Variants in REN observed in about 807,000 individuals in gnomAD.
REN encodes the protein angiotensin-forming enzyme.
A neutral mutation model predicts 48.6 loss-of-function variants in REN; 42 were observed. The ratio of observed to expected loss-of-function variants is 0.86; its 90% CI spans 0.68 to 1.12. REN has a LOEUF of 1.12. Among genes scored for constraint, REN ranks in the 50% most tolerant of loss-of-function variants. REN has a pLI of 0.00. For missense variants in REN, 443 were observed against 527.3 expected (o/e 0.84, Z 1.57); for synonymous variants, 196 against 204.6 (o/e 0.96, Z 0.36).
At chr1:204,161,891 C>G in intron 2 of REN, 122 bp downstream of exon 2, 1 of 1,247,574 alleles carries the variant, frequency 8.0e-7, no homozygotes, top group Non-Finnish European at 1.1e-6. Flanking sequence ...AGGGTGCTCA[C>G]GTGCTACTCA....
intron 1 of REN, 114 bp from the exon 2 acceptor site, chr1:204,162,277 G>A: frequency 1.7e-6 from 2 of 1,150,582 alleles, no homozygotes; most frequent in Non-Finnish European, 2.5e-6. Context: ...CGTTAGCCCA[G>A]CCACCTGGAA....
rs757341486 is a variant in REN at position 204,162,054 on chromosome 1, CAAGT to C, written c.204_207del (p.Leu69AlafsTer7). 1 of 1,614,082 alleles carries C rather than the reference CAAGT, an allele frequency of 6.2e-7. No individual in the cohort carries two copies. Among genetic ancestry groups the C allele is most frequent in the East Asian group, 2.2e-5 (1 of 44,864 alleles). On this transcript the variant is annotated frameshift_variant, in exon 2 of 10. Transcript: ENST00000272190. LOFTEE classifies it high-confidence loss of function. The stretch of plus-strand genomic sequence containing the variant: ...AGGATCACGGAGGAGGTGGTGTTGC[CAAGT>C]GTCAGCCTCTTCATGGGTTGGCTCC...
chr1:204,157,270 T>G (rs186769631), intron 6 of REN, 91 bp downstream of exon 6: 68 of 1,544,844 alleles, frequency 4.4e-5, no homozygotes, highest in Non-Finnish European at 5.6e-5. Context: ...CTTGCTGATG[T>G]GAGTTTTGGG....
rs369647339 is a variant in REN at position 204,159,448 on chromosome 1, T to C, written c.640A>G (p.Ile214Val). The change falls in exon 5 of 10, where the codon ATC becomes GTC. Residue 214 changes from isoleucine to valine, a missense_variant. Ile to Val is a conservative substitution (Grantham distance 29). Coordinates refer to ENST00000272190, the MANE Select transcript of REN (RefSeq NM_000537.4). Reference protein sequence around the residue: ...GRVTPIFDNIISQGVLKEDVF... With the variant: ...GRVTPIFDNIVSQGVLKEDVF... The stretch of plus-strand genomic sequence containing the variant: ...TCCTCTTTTAGCACCCCTTGGGAGA[T>C]GATGTTGTCGAAGATAGGGGTGACC... 6 of 1,614,050 alleles carry C rather than the reference T, an allele frequency of 3.7e-6. No homozygotes were observed. The African/African-American group carries it at 8.0e-5, about 22-fold the overall frequency.
At chr1:204,163,442 C>G (rs906106025) in intron 1 of REN, among the ~76,000 whole-genome samples, 1 of 152,212 alleles carries the variant, frequency 6.6e-6, no homozygotes, top group Non-Finnish European at 1.5e-5. Flanking sequence ...GATTTTATTA[C>G]TCCCACTTCA....
chr1:204,160,691 C>T lies in REN; in HGVS notation c.374-13G>A, dbSNP rs201387583. Reference sequence around the variant, plus strand: ...AGCTTGTGATACACTGGCAGGGGGACAGAGGCTCAGGTTTGTCCAAGAGTG... The same window carrying T: ...AGCTTGTGATACACTGGCAGGGGGATAGAGGCTCAGGTTTGTCCAAGAGTG... On this transcript the variant is annotated splice_polypyrimidine_tract_variant and intron_variant, in intron 3 of 9. Transcript: ENST00000272190. The T allele has an allele frequency of 7.3e-5, 116 of 1,596,906 alleles. No homozygotes were observed. Among genetic ancestry groups the T allele is most frequent in the Non-Finnish European group, 9.4e-6 (11 of 1,164,446 alleles).
At chr1:204,158,588 G>T (rs1658191197) in intron 5 of REN, among the ~76,000 whole-genome samples, 1 of 151,876 alleles carries the variant, frequency 6.6e-6, no homozygotes, top group Admixed American at 6.6e-5. Flanking sequence ...AGCCCCTTTT[G>T]CCTCCAGCTC....
chr1:204,155,114 T>C lies in REN; in HGVS notation c.1123A>G (p.Thr375Ala). 1.9e-6 allele frequency: 3 copies of C among 1,614,238 alleles called. No homozygotes were observed. Among genetic ancestry groups the C allele is most frequent in the Non-Finnish European group, 2.5e-6 (3 of 1,180,040 alleles). The change falls in exon 10 of 10, where the codon ACT becomes GCT. Residue 375 changes from threonine (T) to alanine (A), a missense_variant. Transcript: ENST00000272190. ...AIHAMDIPPP[T>A]GPTWALGATF... Reference sequence around the variant, plus strand: ...GCCCCCAGGGCCCAGGTGGGTCCAGTGGGTGGCGGGATATCCATGGCGTGG... The same window carrying C: ...GCCCCCAGGGCCCAGGTGGGTCCAGCGGGTGGCGGGATATCCATGGCGTGG...
At chr1:204,162,717 C>T (rs1170526567) in intron 1 of REN, among the ~76,000 whole-genome samples, 1 of 152,220 alleles carries the variant, frequency 6.6e-6, no homozygotes, top group Non-Finnish European at 1.5e-5. Flanking sequence ...CTCCAGGATA[C>T]CAGGGGACAG....
At position 204,154,851 on chromosome 1, in the gene REN, C is replaced by T; in HGVS notation, c.*165G>A. 2 of 756,992 alleles carry T rather than the reference C, an allele frequency of 2.6e-6. No individual in the cohort carries two copies. The highest frequency in any genetic ancestry group is 4.3e-5 in the Admixed American group (2 of 46,288). 46.9% of individuals were successfully genotyped at this position (756,992 alleles called of 1,614,324 possible). A position where few individuals can be genotyped will look rare whatever the true frequency, so the allele number is the denominator to read the frequency against. On this transcript the variant is annotated 3_prime_UTR_variant, in exon 10 of 10. Transcript: ENST00000272190. ...ATGAAGTCTTTATTCTCTTTGTCCTCAAAGCAGGGAAGGGCTGGTGCAGGG... is the reference window on the plus strand; with the variant it reads ...ATGAAGTCTTTATTCTCTTTGTCCTTAAAGCAGGGAAGGGCTGGTGCAGGG...
intron 1 of REN, 22 bp downstream of exon 1, chr1:204,166,174 C>G (rs780060546): frequency 6.2e-7 from 1 of 1,606,862 alleles, no homozygotes; most frequent in Non-Finnish European, 8.5e-7. Context: ...CCCACCCCTT[C>G]TCTGCCTGAG....
rs763928168 is a variant in REN at position 204,156,210 on chromosome 1, C to G, written c.928G>C (p.Glu310Gln). The change falls in exon 8 of 10, where the codon GAG (glutamate) becomes CAG (glutamine). Residue 310 changes from glutamate to glutamine, a missense_variant. Glu to Gln is a conservative substitution (Grantham distance 29). Transcript: ENST00000272190. This position sits in a 1 kb window ranked among gnomAD's most constrained non-coding sequence, Gnocchi z 4.2. ...AGCCTCTTCTTGGCTCCCAAGGCCT[C>G]CATGAGCTTCTCTATGGAGCTGGTA... ...GSTSSIEKLM[E>Q]ALGAKKRLFD... is the part of the protein sequence containing the mutation. 15 of 1,614,126 alleles carry G rather than the reference C, an allele frequency of 9.3e-6. No individual in the cohort carries two copies. In the Middle Eastern group the frequency reaches 4.9e-4, roughly 53 times the overall value.
intron 1 of REN, among the ~76,000 whole-genome samples, chr1:204,165,875 ACCGCGCCCAACCACCCATG>A (rs896608207): frequency 1.3e-5 from 2 of 152,094 alleles, no homozygotes; most frequent in African/African-American, 4.8e-5. Flanking sequence ...GGCAGGAGCC[ACCGCGCCCAACCACCCATG>A]CCCTTCTTAA....
intron 4 of REN, among the ~76,000 whole-genome samples, chr1:204,159,851 G>GA (rs1658212273): frequency 6.6e-6 from 1 of 152,216 alleles, no homozygotes; most frequent in Non-Finnish European, 1.5e-5. Flanking sequence ...AGCAGCAAAA[G>GA]AAAAGCTGCC....
chr1:204,161,530 G>A, intron 2 of REN, 115 bp from the exon 3 acceptor site: 1 of 1,019,844 alleles, frequency 9.8e-7, no homozygotes, highest in Non-Finnish European at 1.3e-6. Flanking sequence ...AGGTCCTATA[G>A]CCTCTCGGGG....
intron 1 of REN, 56 bp downstream of exon 1, chr1:204,166,140 G>C: frequency 7.0e-7 from 1 of 1,431,128 alleles, no homozygotes; most frequent in Non-Finnish European, 9.9e-7. Context: ...CAGGGTGTTG[G>C]GAAGGTGGGA....
chr1:204,166,149 G>A, intron 1 of REN, 47 bp downstream of exon 1: 1 of 1,517,660 alleles, frequency 6.6e-7, no homozygotes, highest in Non-Finnish European at 9.2e-7. Context: ...GGGAAGGTGG[G>A]AACCCTGCAC....
chr1:204,156,412 G>T lies in REN; in HGVS notation c.819-93C>A, dbSNP rs1658152122. The T allele has an allele frequency of 1.3e-6, 2 of 1,528,034 alleles. No individual in the cohort carries two copies. The highest frequency in any genetic ancestry group is 1.8e-5 in the Admixed American group (1 of 55,190). 94.7% of individuals were successfully genotyped at this position (1,528,034 alleles called of 1,614,324 possible). Reference sequence around the variant, plus strand: ...CTGCATGTCCTTCCTGAGTGTGGGTGGGTGGGTGGAGGCCACGCTGGTGGC... The same window carrying T: ...CTGCATGTCCTTCCTGAGTGTGGGTTGGTGGGTGGAGGCCACGCTGGTGGC... On this transcript the variant is annotated intron_variant, in intron 7 of 9. Transcript: ENST00000272190. The surrounding 1 kb of genome is among the most constrained non-coding windows in gnomAD (Gnocchi z 4.2).
At chr1:204,161,089 C>G (rs1002274717) in intron 3 of REN, among the ~76,000 whole-genome samples, 1 of 151,770 alleles carries the variant, frequency 6.6e-6, no homozygotes, top group Admixed American at 6.6e-5. Context: ...GTTCTTGGAC[C>G]TTTTTTTGTT....
Sources: gnomAD v4.1 joint callset for allele counts (sites outside exome capture counted in the v4.1 genomes callset) on GRCh38, gnomAD v4.1.1 for gene constraint, Gnocchi (gnomAD v3.1) non-coding constraint, MANE v1.5 for transcripts, NCBI Gene and HGNC (gene_info 2026-07-23, HGNC 2026-07-21) for gene names.